ATP6V1C2: variants seen among roughly 807,000 people sequenced by gnomAD.
ATP6V1C2 encodes V-type proton ATPase subunit C 2.
In ATP6V1C2, 45 loss-of-function variants were observed where a neutral mutation model predicts 56.8. The observed-to-expected ratio is 0.79, with a 90% CI of 0.62 to 1.02. The LOEUF (loss-of-function observed/expected upper bound fraction) is 1.02, where lower values mean the gene tolerates loss of function less well. ATP6V1C2 is among the 50% of genes least tolerant of loss of function. ATP6V1C2 has a pLI of 0.00. For synonymous variants in ATP6V1C2, 220 were observed against 201.3 expected, an observed-to-expected ratio of 1.09 and a Z score of -0.79; for missense variants, 463 against 519.7, an observed-to-expected ratio of 0.89 and a Z score of 1.06.
At chr2:10,728,737 G>A (rs866173508) in intron 3 of ATP6V1C2, among the ~76,000 whole-genome samples, 36 of 149,234 alleles carry the variant, frequency 2.4e-4, no homozygotes, top group South Asian at 8.5e-4. Flanking sequence ...ATCATGCCAC[G>A]GCACTCCGGC....
At chr2:10,755,263 T>C (rs1663484595) in intron 4 of ATP6V1C2, among the ~76,000 whole-genome samples, 1 of 151,818 alleles carries the variant, frequency 6.6e-6, no homozygotes, top group Admixed American at 6.6e-5. Context: ...CTCGAACTCC[T>C]GACCTCAGGT....
At chr2:10,727,392 A>G (rs1038456756) in intron 3 of ATP6V1C2, among the ~76,000 whole-genome samples, 1 of 137,430 alleles carries the variant, frequency 7.3e-6, no homozygotes, top group African/African-American at 3.5e-5. Context: ...TTTCTAAGAA[A>G]AAAAAAAAAA....
At chr2:10,768,890 C>A in intron 6 of ATP6V1C2, 80 bp downstream of exon 6, 1 of 1,128,024 alleles carries the variant, frequency 8.9e-7, no homozygotes, top group Non-Finnish European at 1.3e-6. Flanking sequence ...CTCACTGGGC[C>A]ACCTGGGAGT....
At chr2:10,736,406 A>T (rs779534939) in intron 3 of ATP6V1C2, among the ~76,000 whole-genome samples, 2 of 152,218 alleles carry the variant, frequency 1.3e-5, no homozygotes, top group Non-Finnish European at 2.9e-5. Flanking sequence ...CTAGAAAATC[A>T]TTAGTTTCAT....
At chr2:10,769,555 T>C (rs1664453217) in intron 6 of ATP6V1C2, among the ~76,000 whole-genome samples, 1 of 151,964 alleles carries the variant, frequency 6.6e-6, no homozygotes, top group South Asian at 2.1e-4. Flanking sequence ...AATACAAAAA[T>C]TAGCTGGGCA....
At chr2:10,759,142 C>T (rs1313141537) in intron 4 of ATP6V1C2, among the ~76,000 whole-genome samples, 2 of 152,204 alleles carry the variant, frequency 1.3e-5, no homozygotes, top group East Asian at 1.9e-4. Context: ...TGCCTGCAGC[C>T]GGTCAGACCT....
At position 10,739,270 on chromosome 2, in the gene ATP6V1C2, C is replaced by A. The variant is rs1474852837; in HGVS notation, c.197+12701C>A. Among the ~76,000 whole-genome samples, 3 of 151,256 alleles carry A rather than the reference C, an allele frequency of 2.0e-5. No individual in the cohort carries two copies. The East Asian group carries it at 5.8e-4, about 29-fold the overall frequency. ...GGCACTCCAGCCTGGGCAATAAGAG[C>A]AAAACTCCGTCTCAAAAATAAATAA... On this transcript the variant is annotated intron_variant, in intron 3 of 13. Coordinates refer to ENST00000272238, the MANE Select transcript of ATP6V1C2 (RefSeq NM_001039362.2).
At chr2:10,739,157 C>T in intron 3 of ATP6V1C2, among the ~76,000 whole-genome samples, 1 of 152,138 alleles carries the variant, frequency 6.6e-6, no homozygotes, top group Non-Finnish European at 1.5e-5. Context: ...GTGGCGCATG[C>T]CTGCAATCCC....
At chr2:10,779,904 T>G (rs1478458222) in intron 12 of ATP6V1C2, among the ~76,000 whole-genome samples, 1 of 152,138 alleles carries the variant, frequency 6.6e-6, no homozygotes, top group African/African-American at 2.4e-5. Context: ...GGAAACGCCT[T>G]CGAAGGCCGC....
intron 4 of ATP6V1C2, 147 bp downstream of exon 4, chr2:10,754,213 A>G: frequency 1.7e-6 from 1 of 577,678 alleles, no homozygotes; most frequent in South Asian, 2.6e-5. Context: ...GAGGCTCTGC[A>G]CTTGCTTTTA....
intron 12 of ATP6V1C2, among the ~76,000 whole-genome samples, chr2:10,779,428 A>AT (rs570583238): frequency 0.26 from 35,832 of 138,226 alleles, 5,202 homozygotes; most frequent in East Asian, 0.4. Flanking sequence ...TAAAAAAAAA[A>AT]ATATATATAT....
intron 5 of ATP6V1C2, 135 bp downstream of exon 5, chr2:10,764,560 A>G (rs1218085268): frequency 4.9e-5 from 35 of 713,914 alleles, no homozygotes; most frequent in South Asian, 4.6e-4. Context: ...GCCTCCTTCC[A>G]TGCACTGGGC....
chr2:10,760,261 T>C (rs1663835042), intron 4 of ATP6V1C2, among the ~76,000 whole-genome samples: 1 of 152,050 alleles, frequency 6.6e-6, no homozygotes, highest in East Asian at 1.9e-4. Context: ...TCCCAGCTAC[T>C]TGGGAGGCCA....
Position 10,772,508 on chromosome 2 carries a change from C to A in ATP6V1C2, c.570-34C>A, listed in dbSNP as rs189760105. On this transcript the variant is annotated intron_variant, in intron 7 of 13. Coordinates refer to ENST00000272238, the MANE Select transcript of ATP6V1C2 (RefSeq NM_001039362.2). ...TCAGGACACCCACGAGCCTTTTCTG[C>A]AAAAAATCACGTAACGATTCTATGT... The A allele has an allele frequency of 5.3e-3, 8,453 of 1,594,170 alleles. 33 individuals carry two copies. The highest frequency in any genetic ancestry group is 7.0e-3 in the Admixed American group (419 of 59,992).
chr2:10,751,629 C>T (rs1359280114), intron 3 of ATP6V1C2, among the ~76,000 whole-genome samples: 3 of 152,102 alleles, frequency 2.0e-5, no homozygotes, highest in East Asian at 1.9e-4. Context: ...TTGGAGTCCA[C>T]ATAACGACTG....
chr2:10,755,842 G>A (rs1307642543), intron 4 of ATP6V1C2, among the ~76,000 whole-genome samples: 1 of 152,218 alleles, frequency 6.6e-6, no homozygotes, highest in East Asian at 1.9e-4. Context: ...TTCCTGCAGT[G>A]CAGTCACGTT....
intron 4 of ATP6V1C2, among the ~76,000 whole-genome samples, chr2:10,760,615 G>A (rs191572775): frequency 1.2e-3 from 182 of 152,346 alleles, no homozygotes; most frequent in African/African-American, 4.1e-3. Flanking sequence ...GCATCTGTCA[G>A]TAACCAAGCA....
chr2:10,749,700 T>G (rs554382626), intron 3 of ATP6V1C2, among the ~76,000 whole-genome samples: 2 of 152,358 alleles, frequency 1.3e-5, no homozygotes, highest in South Asian at 4.1e-4. Flanking sequence ...TAGCAACTTA[T>G]TTTTTCTTTT....
At chr2:10,777,164 C>A (rs1055165096) in intron 10 of ATP6V1C2, among the ~76,000 whole-genome samples, 6 of 152,220 alleles carry the variant, frequency 3.9e-5, no homozygotes, top group African/African-American at 1.4e-4. Flanking sequence ...ACTCTGCATG[C>A]CGAGGTGCCC....
Sources: gnomAD v4.1 joint callset for allele counts (sites outside exome capture counted in the v4.1 genomes callset) on GRCh38, gnomAD v4.1.1 for gene constraint, MANE v1.5 for transcripts, NCBI Gene and HGNC (gene_info 2026-07-23, HGNC 2026-07-21) for gene names.